LSAMP: variants seen among roughly 807,000 people sequenced by gnomAD.
LSAMP encodes limbic system associated membrane protein, also known as limbic system-associated membrane protein.
Under a neutral mutation model 38.6 loss-of-function variants are expected in LSAMP, and 7 were observed. The ratio of observed to expected loss-of-function variants is 0.18; its 90% CI spans 0.10 to 0.34. The LOEUF is 0.34. Among genes scored for constraint, LSAMP ranks in the 10% least tolerant of loss-of-function variants. The pLI is 1.00. For missense variants in LSAMP, 313 were observed against 420.0 expected, an observed-to-expected ratio of 0.75 and a Z score of 2.23; for synonymous variants, 154 against 166.8, an observed-to-expected ratio of 0.92 and a Z score of 0.59.
At chr3:116,113,592 A>G (rs1708674093) in intron 1 of LSAMP, among the ~76,000 whole-genome samples, 1 of 149,988 alleles carries the variant, frequency 6.7e-6, no homozygotes, top group African/African-American at 2.5e-5. Context: ...CGCCCGGCTA[A>G]TTTTTTGTAT....
intron 3 of LSAMP, among the ~76,000 whole-genome samples, chr3:115,965,240 T>C (rs1335624093): frequency 6.6e-6 from 1 of 151,952 alleles, no homozygotes; most frequent in African/African-American, 2.4e-5. Context: ...AAAGGAAATA[T>C]GAATATTACA....
intron 3 of LSAMP, among the ~76,000 whole-genome samples, chr3:115,861,126 TTTCTTTCCTTCCTTCCTTCC>T (rs1425039224): frequency 0.023 from 1,956 of 84,634 alleles, 80 homozygotes; most frequent in Middle Eastern, 0.049. Context: ...TCCTTCCTTC[TTTCTTTCCTTCCTTCCTTCC>T]TTCCTTCCTT....
intron 1 of LSAMP, among the ~76,000 whole-genome samples, chr3:116,422,629 T>G (rs938824528): frequency 6.6e-5 from 10 of 152,196 alleles, no homozygotes; most frequent in Non-Finnish European, 1.3e-4. Context: ...AAAAAAATTT[T>G]GGGAATGATG....
intron 1 of LSAMP, among the ~76,000 whole-genome samples, chr3:116,346,248 T>C (rs1336230608): frequency 6.6e-6 from 1 of 152,190 alleles, no homozygotes; most frequent in African/African-American, 2.4e-5. Context: ...TAAAATTTTA[T>C]GTGAGCATAC....
chr3:116,255,300 A>C (rs964058361), intron 1 of LSAMP, among the ~76,000 whole-genome samples: 1 of 152,222 alleles, frequency 6.6e-6, no homozygotes, highest in African/African-American at 2.4e-5. Context: ...AGAGAAGGAA[A>C]AGAATGTTGG....
At chr3:116,397,833 T>C (rs892193174) in intron 1 of LSAMP, among the ~76,000 whole-genome samples, 1 of 152,122 alleles carries the variant, frequency 6.6e-6, no homozygotes, top group African/African-American at 2.4e-5. Context: ...TGGTAGGCTG[T>C]AGGCCAAGCT....
At chr3:115,917,384 A>G (rs1288583762) in intron 3 of LSAMP, among the ~76,000 whole-genome samples, 1 of 152,134 alleles carries the variant, frequency 6.6e-6, no homozygotes, top group Admixed American at 6.5e-5. Flanking sequence ...GAGATCATAG[A>G]ACTTCTGGAG....
chr3:115,930,010 T>A (rs1041990459), intron 3 of LSAMP, among the ~76,000 whole-genome samples: 1 of 138,294 alleles, frequency 7.2e-6, no homozygotes, highest in African/African-American at 2.6e-5. Context: ...AAGTTTTTTT[T>A]TTTTTTTTTT....
At chr3:115,979,864 A>G (rs905539761) in intron 3 of LSAMP, among the ~76,000 whole-genome samples, 11 of 152,100 alleles carry the variant, frequency 7.2e-5, no homozygotes, top group African/African-American at 2.7e-4. Context: ...TTTGCTAACT[A>G]ATTCTAAATG....
Position 116,419,541 on chromosome 3 carries a change from G to A in LSAMP, c.155+25336C>T, listed in dbSNP as rs374584961. Among the ~76,000 whole-genome samples, 18 of 152,324 alleles carry A rather than the reference G, an allele frequency of 1.2e-4. No individual in the cohort carries two copies. In the South Asian group the frequency reaches 3.3e-3, roughly 28 times the overall value. On this transcript the variant is annotated intron_variant, in intron 1 of 6. Transcript: ENST00000490035. ...AGCTAGAAGCCAGGAGAGGAGAAAA[G>A]TAGGGCAGAGTGGGTCAAGATTCAG...
chr3:116,082,251 CT>C (rs1489619535), intron 2 of LSAMP, among the ~76,000 whole-genome samples: 1 of 152,090 alleles, frequency 6.6e-6, no homozygotes, highest in Non-Finnish European at 1.5e-5. Context: ...TTATAAGGCT[CT>C]AGTACCTGCT....
intron 3 of LSAMP, among the ~76,000 whole-genome samples, chr3:116,002,328 A>G (rs1336936366): frequency 1.3e-5 from 2 of 152,160 alleles, no homozygotes; most frequent in Non-Finnish European, 2.9e-5. Context: ...TAGAGCATAA[A>G]AGGAAAAAAA....
At chr3:116,416,267 A>G (rs1401148511) in intron 1 of LSAMP, among the ~76,000 whole-genome samples, 1 of 152,154 alleles carries the variant, frequency 6.6e-6, no homozygotes, top group Non-Finnish European at 1.5e-5. Context: ...TCCGTGGTGG[A>G]CACCTACACA....
intron 3 of LSAMP, among the ~76,000 whole-genome samples, chr3:116,001,988 C>A (rs1281064194): frequency 1.3e-5 from 2 of 152,198 alleles, no homozygotes; most frequent in Non-Finnish European, 2.9e-5. Flanking sequence ...TCTTAACGAA[C>A]TTTTCATCAC....
At chr3:116,044,621 CT>C (rs1255319913) in intron 2 of LSAMP, among the ~76,000 whole-genome samples, 2 of 134,708 alleles carry the variant, frequency 1.5e-5, no homozygotes, top group South Asian at 2.3e-4. Context: ...ATAATTGTAT[CT>C]AAAAAAAAAA....
intron 1 of LSAMP, among the ~76,000 whole-genome samples, chr3:116,228,253 G>T (rs191903390): frequency 1.2e-4 from 19 of 152,118 alleles, no homozygotes; most frequent in Admixed American, 9.8e-4. Context: ...AATCAATATT[G>T]CTAAGACTAA....
At chr3:116,211,876 A>T (rs1025496118) in intron 1 of LSAMP, among the ~76,000 whole-genome samples, 2 of 152,228 alleles carry the variant, frequency 1.3e-5, no homozygotes, top group African/African-American at 4.8e-5. Context: ...AAAACAAAAC[A>T]TGAGGGATGG....
intron 3 of LSAMP, among the ~76,000 whole-genome samples, chr3:115,871,267 C>T (rs1295810566): frequency 6.6e-6 from 1 of 152,030 alleles, no homozygotes; most frequent in Non-Finnish European, 1.5e-5. Context: ...CACAGAGATA[C>T]TCATTTTTCT....
intron 2 of LSAMP, among the ~76,000 whole-genome samples, chr3:116,020,458 C>T (rs537590597): frequency 6.6e-6 from 1 of 152,232 alleles, no homozygotes; most frequent in African/African-American, 2.4e-5. Flanking sequence ...GAAACTGAGG[C>T]ATAGAGGGGG....
Sources: allele counts gnomAD v4.1 joint callset (sites outside exome capture counted in the v4.1 genomes callset), GRCh38; gene constraint gnomAD v4.1.1; transcripts MANE v1.5; gene names NCBI Gene and HGNC (gene_info 2026-07-23, HGNC 2026-07-21).